Variants in ZNF737 observed in about 807,000 individuals in gnomAD.
The protein encoded by ZNF737 is zinc finger protein 102 (Y3).
ZNF737 carries 13 observed loss-of-function variants against 11.7 expected under a neutral mutation model. That is an observed-to-expected ratio of 1.11 (90% CI 0.73 to 1.77). The LOEUF (loss-of-function observed/expected upper bound fraction) is 1.77, where lower values mean the gene tolerates loss of function less well. Ranked by LOEUF, ZNF737 falls within the 40% of genes most tolerant of loss-of-function variation. ZNF737 has a pLI of 0.00. For synonymous variants in ZNF737, 217 were observed against 216.2 expected, an observed-to-expected ratio of 1.00 and a Z score of -0.03; for missense variants, 636 against 638.0, an observed-to-expected ratio of 1.00 and a Z score of 0.03.
chr19:20,562,476 T>C (rs1268475657), intron 1 of ZNF737, among the ~76,000 whole-genome samples: 3 of 151,654 alleles, frequency 2.0e-5, no homozygotes, highest in African/African-American at 4.8e-5. Flanking sequence ...GCCTCATGAG[T>C]AGCTGGGATT....
In ZNF737 at chr19:20,543,029, A is replaced by C. The variant is rs1968282148; in HGVS notation, c.*1563T>G. 1 of 984,920 alleles carries C rather than the reference A, an allele frequency of 1.0e-6. No homozygotes were observed. The highest frequency in any genetic ancestry group is 1.2e-6 in the Non-Finnish European group (1 of 829,458). 61.0% of individuals were successfully genotyped at this position (984,920 alleles called of 1,614,324 possible). ...CAGTTGTGGATTAGTTTTTATATTC[A>C]ATGCTCTGATTTAGTGTAATGTCTG... On this transcript the variant is annotated 3_prime_UTR_variant, in exon 4 of 4. Coordinates refer to ENST00000427401, the MANE Select transcript of ZNF737 (RefSeq NM_001159293.2).
chr19:20,565,598 C>T (rs112932780), intron 1 of ZNF737, 40 bp downstream of exon 1: 1 of 1,614,208 alleles, frequency 6.2e-7, no homozygotes, highest in African/African-American at 1.3e-5. Flanking sequence ...TTCCAACCAG[C>T]CTATCCCCCT....
At chr19:20,534,245 C>A (rs1419186745), downstream of ZNF737, among the ~76,000 whole-genome samples, 10 of 150,060 alleles carry the variant, frequency 6.7e-5, 1 homozygote, top group Non-Finnish European at 1.5e-4. Context: ...AATTTGAGAC[C>A]AGTCTGGCCA....
rs555029432 is a variant in ZNF737, at chr19:20,558,900, C to T, written c.4-5065G>A. 2.0e-5 allele frequency among the ~76,000 whole-genome samples: 3 copies of T among 152,302 alleles called. No individual in the cohort carries two copies. In the South Asian group the frequency reaches 6.2e-4, roughly 32 times the overall value. On this transcript the variant is annotated intron_variant, in intron 1 of 3. Coordinates refer to ENST00000427401, the MANE Select transcript of ZNF737 (RefSeq NM_001159293.2). ...AATAATGCCACCCTCCTATAACCAT[C>T]AGATTTTTGACAAAGCTGACAAGGG...
chr19:20,558,345 T>C (rs1342838892), intron 1 of ZNF737, among the ~76,000 whole-genome samples: 1 of 151,450 alleles, frequency 6.6e-6, no homozygotes, highest in Non-Finnish European at 1.5e-5. Context: ...GATGTAGACA[T>C]CAGAAGTCTC....
Position 20,539,171 on chromosome 19 carries a change from T to C in ZNF737, c.*5421A>G. The C allele has an allele frequency of 8.4e-6, 5 of 591,978 alleles. No individual in the cohort carries two copies. Among genetic ancestry groups the C allele is most frequent in the Non-Finnish European group, 1.1e-5 (5 of 471,000 alleles). 36.7% of individuals were successfully genotyped at this position (591,978 alleles called of 1,614,324 possible). ...CGGGCATAATGGCGGGTGCCTGTTATCCCAGCTACTCAGGAGGCTGAGGCG... is the reference window on the plus strand; with the variant it reads ...CGGGCATAATGGCGGGTGCCTGTTACCCCAGCTACTCAGGAGGCTGAGGCG... On this transcript the variant is annotated 3_prime_UTR_variant, in exon 4 of 4. Coordinates refer to ENST00000427401, the MANE Select transcript of ZNF737 (RefSeq NM_001159293.2).
intron 1 of ZNF737, among the ~76,000 whole-genome samples, chr19:20,565,290 T>C (rs189833642): frequency 4.9e-4 from 74 of 152,168 alleles, no homozygotes; most frequent in Non-Finnish European, 9.4e-4. Context: ...ACCAAAGCTC[T>C]TCCCATTCAT....
rs782233539 is a variant in ZNF737, at chr19:20,544,955, C to T, written c.1248G>A (p.Lys416=). 3.0e-5 allele frequency: 48 copies of T among 1,612,734 alleles called. 1 individual carries two copies. The South Asian group carries it at 5.0e-4, about 17-fold the overall frequency. The change falls in exon 4 of 4, where the codon AAG becomes AAA. Residue 416 remains lysine (K), a synonymous_variant. Transcript: ENST00000427401. ...FKYSSSLTTH[K]IIHTGQQPFK... ...AGGGTTGCTGTCCAGTATGGATTAT[C>T]TTATGTGTAGTAAGGGAAGAGGAGT... is the stretch of plus-strand genomic sequence containing the variant.
intron 1 of ZNF737, among the ~76,000 whole-genome samples, chr19:20,559,319 T>C (rs1234105553): frequency 6.6e-6 from 1 of 152,116 alleles, no homozygotes; most frequent in East Asian, 1.9e-4. Context: ...ATTAGAAACT[T>C]AAACAAGTTT....
chr19:20,556,749 A>C (rs1968903368), intron 1 of ZNF737, among the ~76,000 whole-genome samples: 1 of 152,236 alleles, frequency 6.6e-6, no homozygotes, highest in South Asian at 2.1e-4. Context: ...TACAGAGGAA[A>C]CAAGGCAGCA....
intron 1 of ZNF737, among the ~76,000 whole-genome samples, chr19:20,561,996 A>G (rs1555762571): frequency 6.6e-6 from 1 of 152,208 alleles, no homozygotes; most frequent in African/African-American, 2.4e-5. Flanking sequence ...AAACACACAG[A>G]TAATCCTGGA....
Position 20,544,233 on chromosome 19 carries a change from TA to T in ZNF737, c.*358del. 1 of 1,055,368 alleles carries T rather than the reference TA, an allele frequency of 9.5e-7. No homozygotes were observed. The allele number at this position is 1,055,368 out of a possible 1,614,324, so 65.4% of individuals were successfully genotyped here. A position where few individuals can be genotyped will look rare whatever the true frequency, so the allele number is the denominator to read the frequency against. ...TGTGTAAGAAGGGTTCAGAACTTCCTAAAAGCGTTGTCACATTCTTTATATT... is the reference window on the plus strand; with the variant it reads ...TGTGTAAGAAGGGTTCAGAACTTCCTAAAGCGTTGTCACATTCTTTATATT... On this transcript the variant is annotated 3_prime_UTR_variant, in exon 4 of 4. Transcript: ENST00000427401.
Position 20,542,193 on chromosome 19 carries a change from A to G in ZNF737, c.*2399T>C, listed in dbSNP as rs1968233601. The stretch of plus-strand genomic sequence containing the variant: ...AAACGCACGGTAGTCTTACCATGGT[A>G]AAAATAAAATAAAATTAAGTTCACA... On this transcript the variant is annotated 3_prime_UTR_variant, in exon 4 of 4. Transcript: ENST00000427401. The G allele has an allele frequency of 3.0e-6, 3 of 984,464 alleles. No homozygotes were observed. Among genetic ancestry groups the G allele is most frequent in the Non-Finnish European group, 3.6e-6 (3 of 829,244 alleles). The allele number at this position is 984,464 out of a possible 1,614,324, so 61.0% of individuals were successfully genotyped here.
intron 2 of ZNF737, 72 bp downstream of exon 2, chr19:20,553,637 A>C: frequency 6.9e-7 from 1 of 1,447,860 alleles, no homozygotes; most frequent in Non-Finnish European, 9.4e-7. Flanking sequence ...TAAATTACTA[A>C]AAAAATTCTA....
At chr19:20,561,592 C>T (rs1217597968) in intron 1 of ZNF737, among the ~76,000 whole-genome samples, 14 of 152,104 alleles carry the variant, frequency 9.2e-5, no homozygotes, top group Admixed American at 7.2e-4. Flanking sequence ...GAGTTTTATT[C>T]CAGGCCAGAC....
At chr19:20,549,915 G>A (rs1968603766) in intron 3 of ZNF737, among the ~76,000 whole-genome samples, 1 of 140,240 alleles carries the variant, frequency 7.1e-6, no homozygotes, top group South Asian at 2.3e-4. Context: ...GGGTGACAGA[G>A]TGTGACTCCA....
At position 20,565,760 on chromosome 19, in the gene ZNF737, C is replaced by G. The variant is rs1969276667; in HGVS notation, c.-120G>C. 25 of 1,513,184 alleles carry G rather than the reference C, an allele frequency of 1.7e-5. No homozygotes were observed. In the South Asian group the frequency reaches 2.7e-4, roughly 16 times the overall value. 93.7% of individuals were successfully genotyped at this position (1,513,184 alleles called of 1,614,324 possible). On this transcript the variant is annotated 5_prime_UTR_variant, in exon 1 of 4. Transcript: ENST00000427401. The stretch of plus-strand genomic sequence containing the variant: ...GGACACACAGCAGTGAAGACAAGAC[C>G]TGGAGCTCCGGCTGCAGAGACAAAG...
chr19:20,558,403 A>G (rs2144684922), intron 1 of ZNF737, among the ~76,000 whole-genome samples: 1 of 152,330 alleles, frequency 6.6e-6, no homozygotes, highest in South Asian at 2.1e-4. Flanking sequence ...TGTTGGACAC[A>G]TCTATGTATT....
chr19:20,552,641 A>G (rs1968725576), intron 2 of ZNF737, 71 bp from the exon 3 acceptor site: 2 of 1,007,340 alleles, frequency 2.0e-6, no homozygotes, highest in African/African-American at 1.7e-5. Flanking sequence ...ATGTGCTCGC[A>G]AAGACAATGT....
Sources: gnomAD v4.1 joint callset for allele counts (sites outside exome capture counted in the v4.1 genomes callset) on GRCh38, gnomAD v4.1.1 for gene constraint, MANE v1.5 for transcripts, NCBI Gene and HGNC (gene_info 2026-07-23, HGNC 2026-07-21) for gene names.